SVOP: variants seen among roughly 807,000 people sequenced by gnomAD.
SVOP encodes the protein SV2 related protein.
A neutral mutation model predicts 69.1 loss-of-function variants in SVOP; 17 were observed. The observed-to-expected ratio is 0.25, with a 90% CI of 0.17 to 0.37. The LOEUF is 0.37. SVOP is among the 10% of genes least tolerant of loss of function. The pLI, the probability that SVOP is intolerant of heterozygous loss-of-function variation, is 1.00. For synonymous variants in SVOP, 238 were observed against 238.6 expected, an observed-to-expected ratio of 1.00 and a Z score of 0.02; for missense variants, 435 against 597.5, an observed-to-expected ratio of 0.73 and a Z score of 2.84.
At chr12:108,948,139 C>T (rs2039935169) in intron 6 of SVOP, among the ~76,000 whole-genome samples, 1 of 152,160 alleles carries the variant, frequency 6.6e-6, no homozygotes, top group Non-Finnish European at 1.5e-5. Flanking sequence ...GGGGTCAGAT[C>T]CTGTGGAGCA....
intron 11 of SVOP, among the ~76,000 whole-genome samples, chr12:108,930,228 CAG>C (rs1397875385): frequency 2.0e-5 from 3 of 152,106 alleles, no homozygotes; most frequent in African/African-American, 7.2e-5. Context: ...TTAAATGTAA[CAG>C]AGTTTAATTG....
rs2039689620 is a variant in SVOP, at chr12:108,912,380, T to C, written c.*155A>G. 2 of 1,497,732 alleles carry C rather than the reference T, an allele frequency of 1.3e-6. No individual in the cohort carries two copies. The highest frequency in any genetic ancestry group is 4.6e-5 in the Admixed American group (2 of 43,382). The allele number at this position is 1,497,732 out of a possible 1,614,324, so 92.8% of individuals were successfully genotyped here. A position where few individuals can be genotyped will look rare whatever the true frequency, so the allele number is the denominator to read the frequency against. ...ATCCCTGGGTGGACCTCAATGAAGA[T>C]GAGCAAACTGAGTCAAGACACAAAA... is the stretch of plus-strand genomic sequence containing the variant. On this transcript the variant is annotated 3_prime_UTR_variant, in exon 16 of 16. Transcript: ENST00000610966.
chr12:109,019,507 T>A (rs2040384852), intron 1 of SVOP, among the ~76,000 whole-genome samples: 1 of 152,170 alleles, frequency 6.6e-6, no homozygotes, highest in Non-Finnish European at 1.5e-5. Flanking sequence ...TAAATTATTT[T>A]TTATTGGGGG....
At chr12:108,982,746 T>TCAACATCACCAC (rs2040145349) in intron 2 of SVOP, among the ~76,000 whole-genome samples, 4 of 150,636 alleles carry the variant, frequency 2.7e-5, no homozygotes, top group African/African-American at 9.8e-5. Flanking sequence ...ATCATCACCA[T>TCAACATCACCAC]CATCATCATC....
At chr12:109,015,477 G>A (rs189241812) in intron 1 of SVOP, among the ~76,000 whole-genome samples, 314 of 152,236 alleles carry the variant, frequency 2.1e-3, no homozygotes, top group African/African-American at 6.7e-3. Flanking sequence ...GAGTCTGGGT[G>A]TTAAGTTGAA....
intron 9 of SVOP, among the ~76,000 whole-genome samples, chr12:108,938,081 C>A (rs1236026669): frequency 6.6e-6 from 1 of 152,172 alleles, no homozygotes; most frequent in Non-Finnish European, 1.5e-5. Flanking sequence ...CCCCTGGACT[C>A]TATGTTGTCA....
rs1420298825 is a variant in SVOP at position 108,909,763 on chromosome 12, A to G, written c.*2772T>C. ...ACTTTCTGAGATCTTTCGTAACTCT[A>G]AGAGAAACATGGCATTTCCATTAAC... On this transcript the variant is annotated 3_prime_UTR_variant, in exon 16 of 16. Transcript: ENST00000610966. The G allele has an allele frequency of 6.6e-6, 1 of 152,180 alleles. No individual in the cohort carries two copies. The highest frequency in any genetic ancestry group is 1.9e-4 in the East Asian group (1 of 5,200). 9.4% of individuals were successfully genotyped at this position (152,180 alleles called of 1,614,324 possible).
rs1400431571 is a variant in SVOP at position 108,959,629 on chromosome 12, C to T, written c.578+1294G>A. On this transcript the variant is annotated intron_variant, in intron 6 of 15. Transcript: ENST00000610966. ...TTGGCCTCCCAAAGTGCTGAGATTA[C>T]AGGCATGAGCCACCGCGCCTGGCCA... is the stretch of plus-strand genomic sequence containing the variant. 2.0e-5 allele frequency among the ~76,000 whole-genome samples: 3 copies of T among 152,168 alleles called. No homozygotes were observed. The East Asian group carries it at 5.8e-4, about 29-fold the overall frequency.
At chr12:108,979,505 G>C (rs1300772083) in intron 2 of SVOP, among the ~76,000 whole-genome samples, 1 of 152,114 alleles carries the variant, frequency 6.6e-6, no homozygotes, top group African/African-American at 2.4e-5. Context: ...GCCCCTCAAA[G>C]TGTTAGGATT....
chr12:108,932,083 G>A (rs2039823623), intron 11 of SVOP, among the ~76,000 whole-genome samples: 2 of 152,036 alleles, frequency 1.3e-5, no homozygotes, highest in African/African-American at 4.8e-5. Context: ...CACAATCATG[G>A]CTCACGGCAG....
intron 5 of SVOP, among the ~76,000 whole-genome samples, chr12:108,965,917 C>G (rs1304994181): frequency 6.6e-6 from 1 of 151,322 alleles, no homozygotes; most frequent in Non-Finnish European, 1.5e-5. Flanking sequence ...TACACTTTTT[C>G]CCTCTCTCCC....
chr12:108,921,673 C>G (rs1326548236), intron 12 of SVOP, among the ~76,000 whole-genome samples: 1 of 152,160 alleles, frequency 6.6e-6, no homozygotes, highest in African/African-American at 2.4e-5. Flanking sequence ...CTCCTTGGCA[C>G]TTCCAGCTAC....
chr12:108,918,490 T>G (rs775246870), intron 13 of SVOP, among the ~76,000 whole-genome samples: 1 of 152,284 alleles, frequency 6.6e-6, no homozygotes, highest in East Asian at 1.9e-4. Context: ...CTATTTAGTA[T>G]TCTTAGGATA....
At chr12:108,972,020 C>T (rs1428789635) in intron 5 of SVOP, among the ~76,000 whole-genome samples, 1 of 151,708 alleles carries the variant, frequency 6.6e-6, no homozygotes, top group Non-Finnish European at 1.5e-5. Flanking sequence ...TGCCACTGCA[C>T]TCCAGGAAGA....
chr12:108,979,826 G>T (rs2040126795), intron 2 of SVOP, among the ~76,000 whole-genome samples: 1 of 133,528 alleles, frequency 7.5e-6, no homozygotes. Context: ...TTATTTTTAT[G>T]CTCAGAAAAA....
At position 108,975,239 on chromosome 12, in the gene SVOP, C is replaced by T. The variant is rs140595208; in HGVS notation, c.381+2159G>A. Among the ~76,000 whole-genome samples, 1,190 of 152,276 alleles carry T rather than the reference C, an allele frequency of 7.8e-3. 17 individuals carry two copies. Among genetic ancestry groups the T allele is most frequent in the African/African-American group, 0.027 (1,112 of 41,536 alleles). On this transcript the variant is annotated intron_variant, in intron 4 of 15. Transcript: ENST00000610966. ...CACTGCTTCTATATCATAATAATTA[C>T]GGTAATCTTGCACAGTATTTCCTGC...
At chr12:108,920,359 A>G (rs1052753316) in intron 12 of SVOP, among the ~76,000 whole-genome samples, 11 of 152,320 alleles carry the variant, frequency 7.2e-5, no homozygotes, top group African/African-American at 2.6e-4. Flanking sequence ...CACCAGCAGG[A>G]GCCTGAATGA....
chr12:108,977,897 A>G (rs1178486256), intron 3 of SVOP, among the ~76,000 whole-genome samples: 1 of 152,228 alleles, frequency 6.6e-6, no homozygotes, highest in Non-Finnish European at 1.5e-5. Flanking sequence ...AGAATAGAAT[A>G]TAATTGTCAG....
At chr12:108,947,975 T>G (rs896423347) in intron 6 of SVOP, among the ~76,000 whole-genome samples, 1 of 152,124 alleles carries the variant, frequency 6.6e-6, no homozygotes. Context: ...TGCTAATGGC[T>G]CATACCTGCA....
Sources: gnomAD v4.1 joint callset for allele counts (sites outside exome capture counted in the v4.1 genomes callset) on GRCh38, gnomAD v4.1.1 for gene constraint, MANE v1.5 for transcripts, NCBI Gene and HGNC (gene_info 2026-07-23, HGNC 2026-07-21) for gene names.